The following PCDHGA11 variants were observed in gnomAD, a reference collection of about 807,000 sequenced individuals.
PCDHGA11 encodes the protein protocadherin gamma subfamily A, 11, also known as protocadherin gamma-A11.
A neutral mutation model predicts 60.4 loss-of-function variants in PCDHGA11; 39 were observed. The ratio of observed to expected loss-of-function variants is 0.65; its 90% CI spans 0.50 to 0.84. PCDHGA11 has a LOEUF of 0.84. PCDHGA11 is among the 40% of genes least tolerant of loss of function. PCDHGA11 has a pLI of 0.00. For missense variants in PCDHGA11, 1,165 were observed against 1,197.7 expected, an observed-to-expected ratio of 0.97 and a Z score of 0.40; for synonymous variants, 533 against 510.3, an observed-to-expected ratio of 1.04 and a Z score of -0.60.
chr5:141,428,624 C>CT, intron 1 of PCDHGA11: 1 of 193,988 alleles, frequency 5.2e-6, no homozygotes, highest in South Asian at 1.1e-4. Context: ...AAGATAAGCT[C>CT]TAACTCTGTT....
At chr5:141,427,637 C>T (rs771573587) in intron 1 of PCDHGA11, 5 of 707,806 alleles carry the variant, frequency 7.1e-6, no homozygotes, top group Non-Finnish European at 1.3e-5. Context: ...CGGTTTTCCA[C>T]CAAGTCTCCT....
At chr5:141,440,605 C>G (rs1214459401) in intron 1 of PCDHGA11, 1 of 152,228 alleles carries the variant, frequency 6.6e-6, no homozygotes, top group East Asian at 1.9e-4. Context: ...TGCAACAGAA[C>G]CTGCAGAAGA....
chr5:141,507,661 C>T (rs1328943034), intron 3 of PCDHGA11, among the ~76,000 whole-genome samples: 1 of 152,236 alleles, frequency 6.6e-6, no homozygotes, highest in Non-Finnish European at 1.5e-5. Context: ...GCTTTTTAGC[C>T]TAAATCCAGA....
At chr5:141,454,331 T>G (rs1244660733) in intron 1 of PCDHGA11, among the ~76,000 whole-genome samples, 1 of 152,180 alleles carries the variant, frequency 6.6e-6, no homozygotes, top group Non-Finnish European at 1.5e-5. Context: ...CAAGAATAAA[T>G]AAAATGTTGG....
intron 2 of PCDHGA11, among the ~76,000 whole-genome samples, chr5:141,498,815 C>T (rs1595543994): frequency 6.6e-6 from 1 of 152,032 alleles, no homozygotes. Flanking sequence ...CACCTGTAGT[C>T]CCAGCTACTC....
At chr5:141,459,236 G>A (rs1248794102) in intron 1 of PCDHGA11, among the ~76,000 whole-genome samples, 2 of 152,176 alleles carry the variant, frequency 1.3e-5, no homozygotes, top group African/African-American at 2.4e-5. Context: ...CAACTGGTCT[G>A]CTTCCTGTCA....
In PCDHGA11 at chr5:141,423,972, T is replaced by C. The variant is rs1459859824; in HGVS notation, c.2433+312T>C. ...TTTAGTATTATTTTTCTATTATCAG[T>C]GTATGAGGCTCTCAATTTATTATAT... On this transcript the variant is annotated intron_variant, in intron 1 of 3. Transcript: ENST00000398587. 4 of 1,128,544 alleles carry C rather than the reference T, an allele frequency of 3.5e-6. No homozygotes were observed. The East Asian group carries it at 1.9e-4, about 53-fold the overall frequency. The allele number at this position is 1,128,544 out of a possible 1,614,324, so 69.9% of individuals were successfully genotyped here.
At chr5:141,473,735 A>G (rs529416084) in intron 1 of PCDHGA11, among the ~76,000 whole-genome samples, 75 of 152,352 alleles carry the variant, frequency 4.9e-4, no homozygotes, top group African/African-American at 1.6e-3. Context: ...GAGAGGGAGA[A>G]GACATGAGAA....
chr5:141,478,142 G>T (rs774271595), intron 1 of PCDHGA11: 8 of 1,613,988 alleles, frequency 5.0e-6, no homozygotes, highest in Non-Finnish European at 6.8e-6. Flanking sequence ...AGCCCGAGCC[G>T]AGTTCCCCTC....
rs746408347 is a variant in PCDHGA11 at position 141,486,293 on chromosome 5, G to A, written c.2434-8514G>A. ...TGGCACTGTGGTGGCACTTATCAGT[G>A]TGCAGGATCCAGACTCAGGGTCAAA... On this transcript the variant is annotated intron_variant, in intron 1 of 3. Transcript: ENST00000398587. This position sits in a 1 kb window ranked among gnomAD's most constrained non-coding sequence, Gnocchi z 5.0. The A allele has an allele frequency of 3.1e-6, 5 of 1,614,018 alleles. No homozygotes were observed. In the Admixed American group the frequency reaches 8.3e-5, roughly 27 times the overall value.
chr5:141,478,826 G>A, intron 1 of PCDHGA11: 2 of 1,439,244 alleles, frequency 1.4e-6, no homozygotes, highest in Non-Finnish European at 1.8e-6. Context: ...AACCAATCTT[G>A]CTAAGGGATG....
At chr5:141,438,571 TATACATACATAC>T (rs1212381177) in intron 1 of PCDHGA11, among the ~76,000 whole-genome samples, 4 of 94,544 alleles carry the variant, frequency 4.2e-5, no homozygotes, top group African/African-American at 9.7e-5. Context: ...AGCTGTCTGA[TATACATACATAC>T]ATACATACAT....
At chr5:141,484,300 C>G (rs927710366) in intron 1 of PCDHGA11, among the ~76,000 whole-genome samples, 1 of 152,190 alleles carries the variant, frequency 6.6e-6, no homozygotes, top group Non-Finnish European at 1.5e-5. Context: ...CTCCTGGCTT[C>G]CTCCACCCCG....
At position 141,487,289 on chromosome 5, in the gene PCDHGA11, G is replaced by T; in HGVS notation, c.2434-7518G>T. 6.2e-7 allele frequency: 1 copy of T among 1,614,096 alleles called. No individual in the cohort carries two copies. The highest frequency in any genetic ancestry group is 8.5e-7 in the Non-Finnish European group (1 of 1,180,024). On this transcript the variant is annotated intron_variant, in intron 1 of 3. Coordinates refer to ENST00000398587, the MANE Select transcript of PCDHGA11 (RefSeq NM_018914.3). The surrounding 1 kb of genome is among the most constrained non-coding windows in gnomAD (Gnocchi z 5.0). Reference sequence around the variant, plus strand: ...AGTGGCAATTTGCTTTGTCTCCTTTGGCTCATTCGTGGCACTACTCTCTAA... The same window carrying T: ...AGTGGCAATTTGCTTTGTCTCCTTTTGCTCATTCGTGGCACTACTCTCTAA...
At chr5:141,449,658 C>T (rs1413506303) in intron 1 of PCDHGA11, among the ~76,000 whole-genome samples, 5 of 149,582 alleles carry the variant, frequency 3.3e-5, no homozygotes, top group Admixed American at 3.3e-4. Flanking sequence ...TTTACATACA[C>T]ACCCAAGTGT....
chr5:141,439,470 T>C (rs1357441747), intron 1 of PCDHGA11, among the ~76,000 whole-genome samples: 1 of 152,220 alleles, frequency 6.6e-6, no homozygotes, highest in African/African-American at 2.4e-5. Flanking sequence ...CTGCTGCCTT[T>C]CAGCTTGCAA....
At chr5:141,472,058 C>T (rs149583469) in intron 1 of PCDHGA11, among the ~76,000 whole-genome samples, 114 of 152,176 alleles carry the variant, frequency 7.5e-4, no homozygotes, top group African/African-American at 2.6e-3. Context: ...AAATGATTGA[C>T]ATGTCTGTGG....
Position 141,431,633 on chromosome 5 carries a change from T to A in PCDHGA11, c.2433+7973T>A. ...TGTGGACGACAAGGCGGCCCAAGTT[T>A]TCAAACTAGATTGTAATTCAGGGAC... On this transcript the variant is annotated intron_variant, in intron 1 of 3. Coordinates refer to ENST00000398587, the MANE Select transcript of PCDHGA11 (RefSeq NM_018914.3). The surrounding 1 kb of genome is among the most constrained non-coding windows in gnomAD (Gnocchi z 4.8). 1 of 1,614,240 alleles carries A rather than the reference T, an allele frequency of 6.2e-7. No individual in the cohort carries two copies. The highest frequency in any genetic ancestry group is 8.5e-7 in the Non-Finnish European group (1 of 1,180,048).
Position 141,476,696 on chromosome 5 carries a change from G to T in PCDHGA11, c.2434-18111G>T, listed in dbSNP as rs750429892. ...GACGCGGGAGGACAGCACCAAGTAC[G>T]CGGAGCTGGTGTTGGAGCGCGCCCT... On this transcript the variant is annotated intron_variant, in intron 1 of 3. Transcript: ENST00000398587. This position sits in a 1 kb window ranked among gnomAD's most constrained non-coding sequence, Gnocchi z 7.6. 3 of 1,614,102 alleles carry T rather than the reference G, an allele frequency of 1.9e-6. No individual in the cohort carries two copies. The highest frequency in any genetic ancestry group is 2.5e-6 in the Non-Finnish European group (3 of 1,180,050).
Sources: gnomAD v4.1 joint callset for allele counts (sites outside exome capture counted in the v4.1 genomes callset) on GRCh38, gnomAD v4.1.1 for gene constraint, Gnocchi (gnomAD v3.1) non-coding constraint, MANE v1.5 for transcripts, NCBI Gene and HGNC (gene_info 2026-07-23, HGNC 2026-07-21) for gene names.